The following LUZP2 variants were observed in gnomAD, a reference collection of about 807,000 sequenced individuals.
LUZP2 encodes the protein leucine zipper protein 2.
In LUZP2, 52 loss-of-function variants were observed where a neutral mutation model predicts 51.6. That is an observed-to-expected ratio of 1.01 (90% confidence interval 0.81 to 1.27). The LOEUF (loss-of-function observed/expected upper bound fraction) is 1.27. Among genes scored for constraint, LUZP2 ranks in the 50% most tolerant of loss-of-function variants. LUZP2 has a pLI of 0.00. For missense variants in LUZP2, 436 were observed against 395.4 expected (o/e 1.10, Z -0.87); for synonymous variants, 154 against 137.3 (o/e 1.12, Z -0.85).
chr11:24,757,007 C>A (rs924379116), intron 4 of LUZP2, among the ~76,000 whole-genome samples: 1 of 152,082 alleles, frequency 6.6e-6, no homozygotes, highest in Admixed American at 6.6e-5. Flanking sequence ...AAAAAGTATA[C>A]GAAGAGATAG....
intron 7 of LUZP2, among the ~76,000 whole-genome samples, chr11:24,963,552 C>T (rs1356324611): frequency 6.6e-6 from 1 of 152,180 alleles, no homozygotes; most frequent in African/African-American, 2.4e-5. Flanking sequence ...ACTCCGTGGG[C>T]ATAGGACCCT....
At chr11:24,950,565 G>A (rs945594774) in intron 7 of LUZP2, among the ~76,000 whole-genome samples, 1 of 151,534 alleles carries the variant, frequency 6.6e-6, no homozygotes, top group African/African-American at 2.4e-5. Context: ...CTAGTGACAT[G>A]TGAGACAGAC....
intron 7 of LUZP2, among the ~76,000 whole-genome samples, chr11:24,927,519 T>C (rs1854315782): frequency 6.6e-6 from 1 of 152,128 alleles, no homozygotes; most frequent in Non-Finnish European, 1.5e-5. Context: ...CTTTATGTTT[T>C]GTTTGCTTTG....
intron 11 of LUZP2, 88 bp from the exon 12 acceptor site, chr11:25,078,466 C>A: frequency 1.0e-6 from 1 of 957,456 alleles, no homozygotes; most frequent in South Asian, 1.5e-5. Context: ...CTTTGAATTT[C>A]CATTCTTATT....
intron 1 of LUZP2, among the ~76,000 whole-genome samples, chr11:24,728,786 C>CA (rs1858591536): frequency 2.0e-5 from 3 of 151,940 alleles, no homozygotes; most frequent in African/African-American, 4.8e-5. Flanking sequence ...GTCCGTTTCA[C>CA]ACTGCTGATA....
chr11:24,728,802 A>G (rs746253085), intron 1 of LUZP2, among the ~76,000 whole-genome samples: 2 of 151,968 alleles, frequency 1.3e-5, no homozygotes, highest in Admixed American at 6.6e-5. Flanking sequence ...TGATAAAGGC[A>G]TACCTGAGAC....
At chr11:25,030,985 A>ATATATTATATGTATTAT in intron 9 of LUZP2, among the ~76,000 whole-genome samples, 2 of 10,286 alleles carry the variant, frequency 1.9e-4, no homozygotes, top group Non-Finnish European at 3.2e-4. Context: ...TATATATAAT[A>ATATATTATATGTATTAT]CAATATATAT....
At chr11:24,600,129 T>G (rs903376154) in intron 1 of LUZP2, among the ~76,000 whole-genome samples, 8 of 151,638 alleles carry the variant, frequency 5.3e-5, no homozygotes, top group African/African-American at 1.9e-4. Flanking sequence ...CTTAATCCAA[T>G]GACTGGTGTC....
At chr11:24,781,845 T>C (rs1849102809) in intron 5 of LUZP2, among the ~76,000 whole-genome samples, 1 of 152,030 alleles carries the variant, frequency 6.6e-6, no homozygotes, top group Non-Finnish European at 1.5e-5. Flanking sequence ...TCCCCCATGA[T>C]TTTGAAACTT....
chr11:24,802,857 G>A (rs1849733036), intron 5 of LUZP2, among the ~76,000 whole-genome samples: 2 of 151,942 alleles, frequency 1.3e-5, no homozygotes, highest in African/African-American at 4.8e-5. Context: ...CTTCATTAAT[G>A]GGATTAATTA....
chr11:24,917,889 G>C (rs1853848644), intron 7 of LUZP2, among the ~76,000 whole-genome samples: 1 of 152,106 alleles, frequency 6.6e-6, no homozygotes, highest in African/African-American at 2.4e-5. Flanking sequence ...TTGGTAGCTT[G>C]CTGGGGATGA....
In LUZP2 at chr11:24,727,199, G is replaced by A. The variant is rs768515972; in HGVS notation, c.63-1970G>A. On this transcript the variant is annotated intron_variant, in intron 1 of 11. Coordinates refer to ENST00000336930, the MANE Select transcript of LUZP2 (RefSeq NM_001009909.4). Reference sequence around the variant, plus strand: ...GTAAACAAAGTCAACATTTATTTGCGTAATAGAGAAGAAAGAAGCAATATA... The same window carrying A: ...GTAAACAAAGTCAACATTTATTTGCATAATAGAGAAGAAAGAAGCAATATA... Among the ~76,000 whole-genome samples, 60 of 151,994 alleles carry A rather than the reference G, an allele frequency of 3.9e-4. 1 individual carries two copies. Among genetic ancestry groups the A allele is most frequent in the South Asian group, 1.7e-3 (8 of 4,828 alleles).
chr11:24,699,972 C>T (rs184381894), intron 1 of LUZP2, among the ~76,000 whole-genome samples: 3 of 148,914 alleles, frequency 2.0e-5, no homozygotes, highest in African/African-American at 7.4e-5. Flanking sequence ...GAGCCAGGAA[C>T]AATTTTACTT....
intron 10 of LUZP2, among the ~76,000 whole-genome samples, chr11:25,075,229 A>G (rs986749937): frequency 4.6e-5 from 7 of 152,184 alleles, no homozygotes; most frequent in Non-Finnish European, 8.8e-5. Flanking sequence ...TAGTATTAAT[A>G]TTCAGAATAC....
chr11:25,056,935 C>T (rs1858703204), intron 10 of LUZP2, among the ~76,000 whole-genome samples: 1 of 152,044 alleles, frequency 6.6e-6, no homozygotes, highest in East Asian at 1.9e-4. Flanking sequence ...CCCATCTCTA[C>T]TAAAAATACA....
chr11:24,757,365 T>A (rs1859814254), intron 4 of LUZP2, among the ~76,000 whole-genome samples: 1 of 152,158 alleles, frequency 6.6e-6, no homozygotes, highest in Non-Finnish European at 1.5e-5. Flanking sequence ...AGAGGTCAAA[T>A]AATTTCTTGT....
chr11:24,736,663 C>T (rs544181851), intron 3 of LUZP2, among the ~76,000 whole-genome samples: 20 of 152,020 alleles, frequency 1.3e-4, no homozygotes, highest in African/African-American at 4.8e-4. Context: ...GTGTCTTGCA[C>T]ATTGTAAGCC....
intron 1 of LUZP2, among the ~76,000 whole-genome samples, chr11:24,615,691 T>C (rs984544442): frequency 6.6e-6 from 1 of 151,948 alleles, no homozygotes; most frequent in Non-Finnish European, 1.5e-5. Flanking sequence ...GGTTGTACAG[T>C]AGTAGCATGT....
chr11:24,852,164 C>G (rs894131066), intron 5 of LUZP2, among the ~76,000 whole-genome samples: 2 of 151,946 alleles, frequency 1.3e-5, no homozygotes, highest in African/African-American at 4.8e-5. Context: ...AGTTTGTTTG[C>G]CCTTGCTTCT....
Sources: allele counts gnomAD v4.1 joint callset (sites outside exome capture counted in the v4.1 genomes callset), GRCh38; gene constraint gnomAD v4.1.1; transcripts MANE v1.5; gene names NCBI Gene and HGNC (gene_info 2026-07-23, HGNC 2026-07-21).